The following UBAP2L variants were observed in gnomAD, a reference collection of about 807,000 sequenced individuals.
UBAP2L encodes the protein ubiquitin associated protein 2 like.
In UBAP2L, 12 loss-of-function variants were observed where a neutral mutation model predicts 130.6. The observed-to-expected ratio is 0.09, with a 90% CI of 0.06 to 0.15. UBAP2L has a LOEUF of 0.15. Among genes scored for constraint, UBAP2L ranks in the 10% least tolerant of loss-of-function variants. The probability of loss-of-function intolerance (pLI) is 1.00; values close to 1 mark genes in which losing one functional copy is unlikely to be tolerated. For synonymous variants in UBAP2L, 503 were observed against 524.7 expected (o/e 0.96, Z 0.57); for missense variants, 965 against 1,332.5 (o/e 0.72, Z 4.29).
At chr1:154,267,159 T>G (rs1017351808) in intron 25 of UBAP2L, among the ~76,000 whole-genome samples, 1 of 147,762 alleles carries the variant, frequency 6.8e-6, no homozygotes, top group Admixed American at 6.8e-5. Flanking sequence ...GAGTTTTTTT[T>G]TTTTTTTTTT....
chr1:154,260,047 C>A lies in UBAP2L; in HGVS notation c.2578+18C>A. 6.2e-7 allele frequency: 1 copy of A among 1,611,536 alleles called. No homozygotes were observed. The highest frequency in any genetic ancestry group is 8.5e-7 in the Non-Finnish European group (1 of 1,177,706). On this transcript the variant is annotated intron_variant, in intron 22 of 26. Transcript: ENST00000428931. ...TTATTCTGGTAGGATTGGGATGGGACTAAATAAATAAAAAGGGAGATAGTG... is the reference window on the plus strand; with the variant it reads ...TTATTCTGGTAGGATTGGGATGGGAATAAATAAATAAAAAGGGAGATAGTG...
intron 24 of UBAP2L, among the ~76,000 whole-genome samples, chr1:154,262,333 A>G (rs1223893240): frequency 6.6e-6 from 1 of 152,208 alleles, no homozygotes; most frequent in Non-Finnish European, 1.5e-5. Flanking sequence ...AATTGTAGGA[A>G]TCCTCTGGAT....
intron 25 of UBAP2L, among the ~76,000 whole-genome samples, chr1:154,267,132 CT>C (rs1212756286): frequency 7.2e-6 from 1 of 139,210 alleles, no homozygotes; most frequent in Non-Finnish European, 1.6e-5. Context: ...GTGTTTATTT[CT>C]TTTGAAATAT....
At chr1:154,242,995 C>T in intron 9 of UBAP2L, 1 of 363,212 alleles carries the variant, frequency 2.8e-6, no homozygotes, top group Non-Finnish European at 5.1e-6. Flanking sequence ...TGTGACTCCA[C>T]TATATTTTAT....
chr1:154,251,740 C>T (rs772316962), intron 14 of UBAP2L, 87 bp downstream of exon 14: 16 of 1,484,200 alleles, frequency 1.1e-5, no homozygotes, highest in Admixed American at 4.0e-5. Flanking sequence ...TCTGGAGAGG[C>T]CAAGCCCCTC....
intron 4 of UBAP2L, among the ~76,000 whole-genome samples, chr1:154,232,864 T>C (rs1670315645): frequency 6.6e-6 from 1 of 152,034 alleles, no homozygotes; most frequent in East Asian, 1.9e-4. Context: ...ACTTGGCTAA[T>C]TTTTAAATTT....
chr1:154,262,184 A>G (rs576890165), intron 24 of UBAP2L, among the ~76,000 whole-genome samples: 33 of 152,224 alleles, frequency 2.2e-4, no homozygotes, highest in Non-Finnish European at 4.6e-4. Context: ...TAGAAGACCT[A>G]AACTGTGGAG....
intron 24 of UBAP2L, chr1:154,263,533 G>C (rs1194600): frequency 0.58 from 587,392 of 1,012,292 alleles, 173,539 homozygotes; most frequent in East Asian, 0.96. Flanking sequence ...GCATGTCTTT[G>C]TGGACACTAG....
intron 24 of UBAP2L, among the ~76,000 whole-genome samples, chr1:154,262,608 T>G (rs1275900485): frequency 2.0e-5 from 3 of 152,164 alleles, no homozygotes; most frequent in Non-Finnish European, 2.9e-5. Flanking sequence ...TTATGTGGGC[T>G]CTGGGTGGGT....
chr1:154,232,772 A>G (rs1209804970), intron 4 of UBAP2L, among the ~76,000 whole-genome samples: 2 of 152,106 alleles, frequency 1.3e-5, no homozygotes, highest in Non-Finnish European at 2.9e-5. Context: ...ACCACGACTC[A>G]CCGCAGCCTC....
At chr1:154,220,530 G>A (rs544910425), upstream of UBAP2L, 2 of 1,071,422 alleles carry the variant, frequency 1.9e-6, no homozygotes, top group East Asian at 4.9e-5. Context: ...CCTTACGGGG[G>A]AAGACCAAGC....
chr1:154,260,899 C>T lies in UBAP2L; in HGVS notation c.2586C>T (p.Leu862=), dbSNP rs756786957. 6.2e-7 allele frequency: 1 copy of T among 1,614,186 alleles called. No individual in the cohort carries two copies. The highest frequency in any genetic ancestry group is 8.5e-7 in the Non-Finnish European group (1 of 1,180,026). The change falls in exon 23 of 27, where the codon CTC becomes CTT. Residue 862 remains leucine (L), a synonymous_variant. Transcript: ENST00000428931. ...TAGCTTCTCCTGTCACAGGTGACCT[C>T]ACAAAGTTCGGCCGTGGGGATGCCT... ...SLASNPYSGD[L]TKFGRGDASS... is the part of the protein sequence containing the mutation.
At chr1:154,270,875 G>A (rs1003673560), downstream of UBAP2L, 28 of 1,536,648 alleles carry the variant, frequency 1.8e-5, no homozygotes, top group African/African-American at 8.4e-5. Context: ...TTCTTGCTCC[G>A]TCTAGGACAT....
At chr1:154,254,714 G>A in intron 15 of UBAP2L, 122 bp from the exon 16 acceptor site, 1 of 1,082,750 alleles carries the variant, frequency 9.2e-7, no homozygotes, top group Non-Finnish European at 1.3e-6. Context: ...AATCCTTTTG[G>A]TTAATTTACA....
At chr1:154,266,457 T>G (rs1558235087) in intron 24 of UBAP2L, 44 bp from the exon 25 acceptor site, 3 of 1,592,386 alleles carry the variant, frequency 1.9e-6, no homozygotes, top group Non-Finnish European at 2.6e-6. Context: ...AAGGGCCAGG[T>G]AGCTAGCTGA....
intron 26 of UBAP2L, chr1:154,269,462 C>G: frequency 7.8e-7 from 1 of 1,287,548 alleles, no homozygotes. Flanking sequence ...TTTCAGTCCC[C>G]ATTTCACCTT....
At chr1:154,246,426 C>T in intron 11 of UBAP2L, 51 bp downstream of exon 11, 1 of 1,555,140 alleles carries the variant, frequency 6.4e-7, no homozygotes, top group Non-Finnish European at 8.8e-7. Context: ...CTAATCCTAG[C>T]ACACATACAC....
chr1:154,253,076 T>G (rs1678352257), intron 14 of UBAP2L, among the ~76,000 whole-genome samples: 1 of 152,064 alleles, frequency 6.6e-6, no homozygotes, highest in Non-Finnish European at 1.5e-5. Context: ...CGATCTCAGC[T>G]CACTGCAACC....
chr1:154,271,056 C>T, downstream of UBAP2L: 4 of 1,039,168 alleles, frequency 3.8e-6, no homozygotes, highest in South Asian at 1.6e-5. Context: ...CTTCCCCTCA[C>T]CCCTAAGACT....
Sources: gnomAD v4.1 joint callset for allele counts (sites outside exome capture counted in the v4.1 genomes callset) on GRCh38, gnomAD v4.1.1 for gene constraint, MANE v1.5 for transcripts, NCBI Gene and HGNC (gene_info 2026-07-23, HGNC 2026-07-21) for gene names.